The following CPE variants were observed in gnomAD, a reference collection of about 807,000 sequenced individuals.
CPE encodes carboxypeptidase E, also known as carbocypeptidase E.
In CPE, 17 loss-of-function variants were observed where a neutral mutation model predicts 53.5. The observed-to-expected ratio is 0.32, with a 90% CI of 0.22 to 0.48. CPE has a LOEUF of 0.48. CPE is among the 20% of genes least tolerant of loss of function. CPE has a pLI of 0.99. For synonymous variants in CPE, 226 were observed against 228.8 expected, an observed-to-expected ratio of 0.99 and a Z score of 0.11; for missense variants, 524 against 614.7, an observed-to-expected ratio of 0.85 and a Z score of 1.56.
At position 165,379,416 on chromosome 4, in the gene CPE, C is replaced by A; in HGVS notation, c.195C>A (p.Ser65=). 1 of 1,610,180 alleles carries A rather than the reference C, an allele frequency of 6.2e-7. No individual in the cohort carries two copies. Among genetic ancestry groups the A allele is most frequent in the Non-Finnish European group, 8.5e-7 (1 of 1,178,986 alleles). Residue 65 remains serine (S), a synonymous_variant, in exon 1 of 9, where the codon TCC becomes TCA. Transcript: ENST00000402744. This position sits in a 1 kb window ranked among gnomAD's most constrained non-coding sequence, Gnocchi z 6.0. ...CCGAGCTGCGCGAGGCGCTCGTGTC[C>A]GTGTGGCTGCAGTGCACCGCCATCA... The part of the protein sequence containing the change: ...RYPELREALV[S]VWLQCTAISR...
chr4:165,463,651 A>G (rs760788458), intron 1 of CPE, among the ~76,000 whole-genome samples: 13 of 152,368 alleles, frequency 8.5e-5, no homozygotes, highest in Non-Finnish European at 1.6e-4. Flanking sequence ...CCATGTAACT[A>G]TGGAGACAGT....
At chr4:165,485,167 G>C (rs895292587) in intron 5 of CPE, among the ~76,000 whole-genome samples, 1 of 152,164 alleles carries the variant, frequency 6.6e-6, no homozygotes, top group Non-Finnish European at 1.5e-5. Flanking sequence ...ACAGCAGCTG[G>C]GGGAAGCCCC....
At chr4:165,449,680 G>A (rs1054940021) in intron 1 of CPE, among the ~76,000 whole-genome samples, 6 of 151,984 alleles carry the variant, frequency 3.9e-5, no homozygotes. Context: ...TGGGTTTCGT[G>A]CAATTTCATG....
chr4:165,423,309 T>C (rs1731258613), intron 1 of CPE, among the ~76,000 whole-genome samples: 1 of 152,168 alleles, frequency 6.6e-6, no homozygotes, highest in Non-Finnish European at 1.5e-5. Flanking sequence ...TCCTTTTAGC[T>C]TAGTGATTTT....
Position 165,379,461 on chromosome 4 carries a change from G to A in CPE, c.240G>A (p.Gly80=). The part of the protein sequence containing the change: ...CTAISRIYTV[G]RSFEGRELLV... Reference sequence around the variant, plus strand: ...CCATCAGCAGGATTTACACGGTGGGGCGCAGCTTCGAGGGCCGGGAGCTCC... The same window carrying A: ...CCATCAGCAGGATTTACACGGTGGGACGCAGCTTCGAGGGCCGGGAGCTCC... The change falls in exon 1 of 9, where the codon GGG becomes GGA. Residue 80 remains glycine, a synonymous_variant. Transcript: ENST00000402744. The surrounding 1 kb of genome is among the most constrained non-coding windows in gnomAD (Gnocchi z 6.0). 6.2e-7 allele frequency: 1 copy of A among 1,606,702 alleles called. No homozygotes were observed. The highest frequency in any genetic ancestry group is 8.5e-7 in the Non-Finnish European group (1 of 1,175,962).
At chr4:165,459,366 T>A (rs554476951) in intron 1 of CPE, among the ~76,000 whole-genome samples, 195 of 152,074 alleles carry the variant, frequency 1.3e-3, no homozygotes, top group Non-Finnish European at 2.3e-3. Flanking sequence ...GTGATACGGA[T>A]GGAAAAAGAT....
At chr4:165,388,583 G>A (rs371824378) in intron 1 of CPE, among the ~76,000 whole-genome samples, 36 of 152,260 alleles carry the variant, frequency 2.4e-4, no homozygotes, top group Non-Finnish European at 4.0e-4. Flanking sequence ...CACACGTTGA[G>A]CTTATATTGC....
intron 6 of CPE, 54 bp from the exon 7 acceptor site, chr4:165,493,116 AT>A: frequency 1.8e-6 from 2 of 1,138,250 alleles, no homozygotes; most frequent in Non-Finnish European, 2.6e-6. Flanking sequence ...ATTTAAGGCC[AT>A]TTCTATAAAT....
chr4:165,394,016 A>G (rs751334680), intron 1 of CPE, among the ~76,000 whole-genome samples: 1 of 152,200 alleles, frequency 6.6e-6, no homozygotes, highest in Non-Finnish European at 1.5e-5. Flanking sequence ...CTGAGGACCT[A>G]AAGTGGATAA....
intron 1 of CPE, among the ~76,000 whole-genome samples, chr4:165,402,271 GA>G (rs1730881160): frequency 2.0e-5 from 3 of 152,148 alleles, no homozygotes; most frequent in Admixed American, 2.0e-4. Context: ...ATCTTTGAAA[GA>G]ATTTCATAAA....
At chr4:165,464,797 T>C (rs1421552973) in intron 2 of CPE, among the ~76,000 whole-genome samples, 1 of 152,232 alleles carries the variant, frequency 6.6e-6, no homozygotes, top group East Asian at 1.9e-4. Context: ...AGACTGCAAA[T>C]CAGAAATTGT....
intron 1 of CPE, among the ~76,000 whole-genome samples, chr4:165,459,152 T>C: frequency 6.6e-6 from 1 of 152,236 alleles, no homozygotes; most frequent in Middle Eastern, 3.2e-3. Flanking sequence ...TTTTTACTGA[T>C]TTAGTTATTT....
chr4:165,475,939 A>G (rs1732291621), intron 3 of CPE, among the ~76,000 whole-genome samples: 1 of 152,172 alleles, frequency 6.6e-6, no homozygotes, highest in Non-Finnish European at 1.5e-5. Flanking sequence ...AGGAAACTGC[A>G]TACAGGGGTT....
chr4:165,480,268 TG>T (rs1732382263), intron 3 of CPE, among the ~76,000 whole-genome samples: 1 of 152,182 alleles, frequency 6.6e-6, no homozygotes, highest in Non-Finnish European at 1.5e-5. Flanking sequence ...GAATGCAGTT[TG>T]GAATACATTT....
chr4:165,430,439 A>G (rs1325425559), intron 1 of CPE, among the ~76,000 whole-genome samples: 1 of 152,218 alleles, frequency 6.6e-6, no homozygotes, highest in Non-Finnish European at 1.5e-5. Context: ...TATATTCTGC[A>G]AGATCCCATT....
At chr4:165,400,011 C>A (rs1730840555) in intron 1 of CPE, among the ~76,000 whole-genome samples, 1 of 152,188 alleles carries the variant, frequency 6.6e-6, no homozygotes, top group South Asian at 2.1e-4. Flanking sequence ...GAAGCAAAAT[C>A]TTTACAAGTA....
Position 165,379,893 on chromosome 4 carries a change from T to G in CPE, c.307+365T>G, listed in dbSNP as rs1458525010. On this transcript the variant is annotated intron_variant, in intron 1 of 8. Transcript: ENST00000402744. This position sits in a 1 kb window ranked among gnomAD's most constrained non-coding sequence, Gnocchi z 6.0. ...CGCAACCCCAGCGGTCGCTCTCACT[T>G]TGCTGTGTGAAAAACCCAAAGGAAT... Among the ~76,000 whole-genome samples the G allele has an allele frequency of 2.0e-5, 3 of 152,198 alleles. No individual in the cohort carries two copies. Among genetic ancestry groups the G allele is most frequent in the Non-Finnish European group, 4.4e-5 (3 of 68,026 alleles).
At chr4:165,412,740 T>C (rs13126229) in intron 1 of CPE, among the ~76,000 whole-genome samples, 43,676 of 152,156 alleles carry the variant, frequency 0.29, 6,417 homozygotes, top group Middle Eastern at 0.4. Flanking sequence ...TTAAAAAATA[T>C]GAACATGTTT....
Position 165,482,227 on chromosome 4 carries a change from CT to C in CPE, c.673-14del, listed in dbSNP as rs758640131. On this transcript the variant is annotated splice_polypyrimidine_tract_variant and intron_variant, in intron 3 of 8. Transcript: ENST00000402744. ...TTATTAAATTTATAATCCTTTTAATCTCTCATCTGAACAGCTTGCTCCTGAG... is the reference window on the plus strand; with the variant it reads ...TTATTAAATTTATAATCCTTTTAATCCTCATCTGAACAGCTTGCTCCTGAG... 3.3e-6 allele frequency: 5 copies of C among 1,500,542 alleles called. No homozygotes were observed. Among genetic ancestry groups the C allele is most frequent in the Non-Finnish European group, 4.6e-6 (5 of 1,082,960 alleles). The allele number at this position is 1,500,542 out of a possible 1,614,324, so 93.0% of individuals were successfully genotyped here. A position where few individuals can be genotyped will look rare whatever the true frequency, so the allele number is the denominator to read the frequency against.
Sources: allele counts gnomAD v4.1 joint callset (sites outside exome capture counted in the v4.1 genomes callset), GRCh38; gene constraint gnomAD v4.1.1; non-coding constraint Gnocchi (gnomAD v3.1); transcripts MANE v1.5; gene names NCBI Gene and HGNC (gene_info 2026-07-23, HGNC 2026-07-21).